The following SALL3 variants were observed in gnomAD, a reference collection of about 807,000 sequenced individuals.
The protein encoded by SALL3 is spalt like transcription factor 3.
SALL3 carries 25 observed loss-of-function variants against 66.2 expected under a neutral mutation model. The ratio of observed to expected loss-of-function variants is 0.38; its 90% CI spans 0.28 to 0.53. The LOEUF (loss-of-function observed/expected upper bound fraction) is 0.53, where lower values mean the gene tolerates loss of function less well. Among genes scored for constraint, SALL3 ranks in the 20% least tolerant of loss-of-function variants. The pLI is 0.85. For synonymous variants in SALL3, 1,152 were observed against 899.1 expected (o/e 1.28, Z -5.03); for missense variants, 2,194 against 1,916.5 (o/e 1.14, Z -2.70).
rs184186439 is a variant in SALL3, at chr18:78,982,955, A to G, written c.82+2599A>G. Among the ~76,000 whole-genome samples the G allele has an allele frequency of 5.0e-3, 767 of 152,352 alleles. 6 individuals are homozygous for G. Among genetic ancestry groups the G allele is most frequent in the African/African-American group, 0.017 (702 of 41,578 alleles). The stretch of plus-strand genomic sequence containing the variant: ...ATGCACTCACATTAATTTACAGCAC[A>G]AAGCCTGTATCTCTTAAAAAAGAAT... On this transcript the variant is annotated intron_variant, in intron 1 of 2. Transcript: ENST00000537592.
chr18:78,993,868 G>A lies in SALL3; in HGVS notation c.1877G>A (p.Gly626Asp). 2.6e-6 allele frequency: 4 copies of A among 1,564,738 alleles called. No individual in the cohort carries two copies. Among genetic ancestry groups the A allele is most frequent in the Admixed American group, 1.9e-5 (1 of 53,414 alleles). ...QASAAPTSVDGAPTSLGSPGL... is the reference protein window; with the variant it reads ...QASAAPTSVDDAPTSLGSPGL... Reference sequence around the variant, plus strand: ...AGCGCTGCACCCACATCGGTGGACGGCGCACCCACGAGCCTCGGCAGCCCC... The same window carrying A: ...AGCGCTGCACCCACATCGGTGGACGACGCACCCACGAGCCTCGGCAGCCCC... Residue 626 changes from glycine (G) to aspartate (D), a missense_variant, in exon 2 of 3, where the codon GGC becomes GAC. Physicochemically the swap from Gly to Asp is moderately conservative, Grantham distance 94. Transcript: ENST00000537592.
intron 1 of SALL3, 73 bp downstream of exon 1, chr18:78,980,429 G>T: frequency 1.0e-6 from 1 of 954,526 alleles, no homozygotes; most frequent in Non-Finnish European, 1.4e-6. Context: ...GCGTGCGGCG[G>T]GAGCGGATGC....
At position 78,992,488 on chromosome 18, in the gene SALL3, T is replaced by C. The variant is rs1914477959; in HGVS notation, c.497T>C (p.Val166Ala). The part of the protein sequence containing the change: ...TPAYGAPSTN[V>A]TLEALLSTKV... The stretch of plus-strand genomic sequence containing the variant: ...GCCTACGGCGCGCCCAGCACCAACG[T>C]GACCCTGGAGGCGCTGCTGAGCACC... Residue 166 changes from valine (V) to alanine (A), a missense_variant, in exon 2 of 3, where the codon GTG becomes GCG. By Grantham distance (64) the Val-to-Ala change is moderately conservative (BLOSUM62 0). Coordinates refer to ENST00000537592, the MANE Select transcript of SALL3 (RefSeq NM_171999.4). 1.4e-6 allele frequency: 2 copies of C among 1,465,206 alleles called. No homozygotes were observed. Among genetic ancestry groups the C allele is most frequent in the Non-Finnish European group, 1.8e-6 (2 of 1,112,354 alleles). 90.8% of individuals were successfully genotyped at this position (1,465,206 alleles called of 1,614,324 possible).
chr18:78,986,006 A>G (rs1214708749), intron 1 of SALL3, among the ~76,000 whole-genome samples: 2 of 152,248 alleles, frequency 1.3e-5, no homozygotes, highest in East Asian at 1.9e-4. Flanking sequence ...TTAGGCATAG[A>G]TAGTGATACA....
Position 78,993,728 on chromosome 18 carries a change from C to A in SALL3, c.1737C>A (p.Ala579=). 1 of 1,553,142 alleles carries A rather than the reference C, an allele frequency of 6.4e-7. No individual in the cohort carries two copies. The highest frequency in any genetic ancestry group is 8.6e-7 in the Non-Finnish European group (1 of 1,158,046). The part of the protein sequence containing the change: ...GLNHVESGVS[A]TAESPQSLLG... ...ACCACGTGGAGTCCGGCGTGTCGGC[C>A]ACCGCCGAGTCCCCACAGTCGCTCC... The change falls in exon 2 of 3, where the codon GCC becomes GCA. Residue 579 remains alanine (A), a synonymous_variant. Coordinates refer to ENST00000537592, the MANE Select transcript of SALL3 (RefSeq NM_171999.4).
At chr18:78,988,811 AGAT>A (rs1321706376) in intron 1 of SALL3, among the ~76,000 whole-genome samples, 1 of 152,248 alleles carries the variant, frequency 6.6e-6, no homozygotes, top group African/African-American at 2.4e-5. Context: ...TAGAAAATAT[AGAT>A]GATGATCCTG....
intron 2 of SALL3, 53 bp downstream of exon 2, chr18:78,995,515 G>A: frequency 6.7e-7 from 1 of 1,496,044 alleles, no homozygotes; most frequent in Non-Finnish European, 8.8e-7. Context: ...AGCCACGGTG[G>A]CTTTCTCCAT....
At chr18:78,985,625 G>A (rs139222909) in intron 1 of SALL3, among the ~76,000 whole-genome samples, 29 of 152,246 alleles carry the variant, frequency 1.9e-4, no homozygotes, top group South Asian at 8.3e-4. Flanking sequence ...TGATTCCATC[G>A]CCTGATCCCG....
In SALL3 at chr18:78,980,216, C is replaced by G. The variant is rs1324196491; in HGVS notation, c.-59C>G. ...GCCCGCCAGGCCGCCCCGCGCCGTC[C>G]CCGCCGGCCGCCCCGCTGATGCCGC... On this transcript the variant is annotated 5_prime_UTR_variant, in exon 1 of 3. Coordinates refer to ENST00000537592, the MANE Select transcript of SALL3 (RefSeq NM_171999.4). The G allele has an allele frequency of 1.1e-6, 1 of 901,716 alleles. No individual in the cohort carries two copies. Among genetic ancestry groups the G allele is most frequent in the East Asian group, 1.1e-4 (1 of 9,248 alleles). The allele number at this position is 901,716 out of a possible 1,614,324, so 55.9% of individuals were successfully genotyped here. A position where few individuals can be genotyped will look rare whatever the true frequency, so the allele number is the denominator to read the frequency against.
rs763763111 is a variant in SALL3, at chr18:78,994,427, G to A, written c.2436G>A (p.Lys812=). 1.2e-6 allele frequency: 2 copies of A among 1,612,582 alleles called. No individual in the cohort carries two copies. The highest frequency in any genetic ancestry group is 1.1e-5 in the South Asian group (1 of 91,076). The change falls in exon 2 of 3, where the codon AAG becomes AAA. Residue 812 remains lysine (K), a synonymous_variant. Coordinates refer to ENST00000537592, the MANE Select transcript of SALL3 (RefSeq NM_171999.4). ...ENSMEDDAEL[K]DAATDPAKPL... ...CCATGGAGGACGACGCTGAGCTGAA[G>A]GACGCGGCCACCGACCCGGCCAAGC...
At chr18:78,988,824 G>C (rs1390810043) in intron 1 of SALL3, among the ~76,000 whole-genome samples, 2 of 152,146 alleles carry the variant, frequency 1.3e-5, no homozygotes, top group Admixed American at 1.3e-4. Context: ...TGATGATCCT[G>C]ATTTGCCTGA....
At chr18:78,988,789 T>C (rs1402499277) in intron 1 of SALL3, among the ~76,000 whole-genome samples, 2 of 152,234 alleles carry the variant, frequency 1.3e-5, no homozygotes, top group African/African-American at 4.8e-5. Flanking sequence ...TGATATTTTA[T>C]ACACACCTCA....
chr18:78,991,315 C>T (rs1029691607), intron 1 of SALL3, among the ~76,000 whole-genome samples: 2 of 132,618 alleles, frequency 1.5e-5, no homozygotes, highest in African/African-American at 5.7e-5. Context: ...CATTTTAGGC[C>T]TAGACTGTAT....
chr18:78,991,598 G>C (rs1242449968), intron 1 of SALL3: 1 of 157,722 alleles, frequency 6.3e-6, no homozygotes, highest in East Asian at 1.9e-4. Flanking sequence ...TGAGAAATCC[G>C]CGTGGTGGGG....
At chr18:78,996,760 C>A in intron 2 of SALL3, 131 bp from the exon 3 acceptor site, 1 of 822,926 alleles carries the variant, frequency 1.2e-6, no homozygotes, top group South Asian at 1.9e-5. Flanking sequence ...CCAGAAAAGT[C>A]CACCTGTGTT....
intron 1 of SALL3, among the ~76,000 whole-genome samples, chr18:78,984,380 T>G (rs1465883696): frequency 6.6e-6 from 1 of 151,358 alleles, no homozygotes; most frequent in East Asian, 1.9e-4. Context: ...GCACCATCTT[T>G]CAGTGCTGCA....
rs1438592216 is a variant in SALL3 at position 78,992,428 on chromosome 18, G to GGCCCCC, written c.441_446dup (p.Pro148_Pro149dup). ...CCCGCGGGGGACACGCGCGCGCCCCGGCCCCCGCCTGCGGCCCCTGCACCC... is the reference window on the plus strand; with the variant it reads ...CCCGCGGGGGACACGCGCGCGCCCCGGCCCCCGCCCCCGCCTGCGGCCCCTGCACCC... On this transcript the variant is annotated inframe_insertion, in exon 2 of 3. Coordinates refer to ENST00000537592, the MANE Select transcript of SALL3 (RefSeq NM_171999.4). 4 of 1,348,490 alleles carry GGCCCCC rather than the reference G, an allele frequency of 3.0e-6. No homozygotes were observed. The Admixed American group carries it at 1.3e-4, about 43-fold the overall frequency. 83.5% of individuals were successfully genotyped at this position (1,348,490 alleles called of 1,614,324 possible).
chr18:78,980,727 G>GGGGCGAGC, intron 1 of SALL3, among the ~76,000 whole-genome samples: 1 of 151,666 alleles, frequency 6.6e-6, no homozygotes, highest in Non-Finnish European at 1.5e-5. Flanking sequence ...CGCTGAGGCC[G>GGGGCGAGC]GCGGCGGCGG....
Position 78,995,201 on chromosome 18 carries a change from G to A in SALL3, c.3210G>A (p.Lys1070=), listed in dbSNP as rs147637893. Residue 1070 remains lysine (K), a synonymous_variant, in exon 2 of 3, where the codon AAG becomes AAA. Transcript: ENST00000537592. ...AAATGGAAGTGAACGGTCACGGCAA[G>A]GCCATGGCGCTGGGCGAGGGTCCCC... is the stretch of plus-strand genomic sequence containing the variant. ...MIKMEVNGHG[K]AMALGEGPPL... 105 of 1,610,216 alleles carry A rather than the reference G, an allele frequency of 6.5e-5. No individual in the cohort carries two copies. The African/African-American group carries it at 8.4e-4, about 13-fold the overall frequency.
Sources: allele counts gnomAD v4.1 joint callset (sites outside exome capture counted in the v4.1 genomes callset), GRCh38; gene constraint gnomAD v4.1.1; transcripts MANE v1.5; gene names NCBI Gene and HGNC (gene_info 2026-07-23, HGNC 2026-07-21).